The following MAGEE2 variants were observed in gnomAD, a reference collection of about 807,000 sequenced individuals.
MAGEE2 encodes MAGE family member E2, also known as melanoma-associated antigen E2.
For missense variants in MAGEE2, 508 were observed against 391.1 expected, an observed-to-expected ratio of 1.30 and a Z score of -2.52; for synonymous variants, 189 against 155.4, an observed-to-expected ratio of 1.22 and a Z score of -1.61.
rs1302921519 is a variant in MAGEE2, at chrX:75,783,902, G to T, written c.1150C>A (p.Pro384Thr). ...ATCACTTGCTCTTCCTCTGATTCTG[G>T]TTGCTGGACAAGGAGGTAGATGTGC... ...SEHIYLLVQQ[P>T]ESEEEQVMLE... The change falls in exon 1 of 1, where the codon CCA (proline) becomes ACA (threonine). Residue 384 changes from proline (P) to threonine (T), a missense_variant. Coordinates refer to ENST00000373359, the MANE Select transcript of MAGEE2 (RefSeq NM_138703.5). 1.5e-5 allele frequency: 18 copies of T among 1,211,579 alleles called. No homozygotes were observed. The highest frequency in any genetic ancestry group is 1.9e-5 in the Non-Finnish European group (17 of 895,450).
rs773264726 is a variant in MAGEE2 at position 75,785,071 on chromosome X, G to A, written c.-20C>T. On this transcript the variant is annotated 5_prime_UTR_variant, in exon 1 of 1. Transcript: ENST00000373359. ...AGACATGGTTCCAGGAGACAGGAGC[G>A]GGAACGGTGAGATCAGCGATCAGTC... The A allele has an allele frequency of 3.6e-6, 4 of 1,118,295 alleles. No individual in the cohort carries two copies. In the Admixed American group the frequency reaches 9.1e-5, roughly 25 times the overall value. The allele number at this position is 1,118,295 out of a possible 1,213,427, so 92.2% of individuals were successfully genotyped here. A position where few individuals can be genotyped will look rare whatever the true frequency, so the allele number is the denominator to read the frequency against.
rs139359385 is a variant in MAGEE2, at chrX:75,783,942, C to T, written c.1110G>A (p.Glu370=). The T allele has an allele frequency of 2.9e-5, 35 of 1,209,882 alleles. No individual in the cohort carries two copies. In the African/African-American group the frequency reaches 5.8e-4, roughly 20 times the overall value. The change falls in exon 1 of 1, where the codon GAG becomes GAA. Residue 370 remains glutamate (E), a synonymous_variant. Transcript: ENST00000373359. ...GGTAGATGTGCTCACTGGTATCAACCTCAATCAGAGACAACCCATAGAACA... is the reference window on the plus strand; with the variant it reads ...GGTAGATGTGCTCACTGGTATCAACTTCAATCAGAGACAACCCATAGAACA... ...LDMFYGLSLI[E]VDTSEHIYLL... is the part of the protein sequence containing the mutation.
At position 75,784,671 on chromosome X, in the gene MAGEE2, C is replaced by G. The variant is rs1310592310; in HGVS notation, c.381G>C (p.Glu127Asp). Residue 127 changes from glutamate (E) to aspartate (D), a missense_variant, in exon 1 of 1, where the codon GAG (glutamate) becomes GAC (aspartate). By Grantham distance (45) the Glu-to-Asp change is conservative (BLOSUM62 2). Transcript: ENST00000373359. ...FLREYSDQFP[E>D]ILRRASAHLD... ...GGTGAGCTGAGGCTCGTCTGAGGAT[C>G]TCAGGGAACTGATCTGAGTACTCTC... 1.2e-5 allele frequency: 14 copies of G among 1,209,663 alleles called. No homozygotes were observed. Among genetic ancestry groups the G allele is most frequent in the Non-Finnish European group, 1.3e-5 (12 of 895,088 alleles).
In MAGEE2 at chrX:75,785,026, C is replaced by T. The variant is rs1449563243; in HGVS notation, c.26G>A (p.Arg9His). 3.5e-6 allele frequency: 4 copies of T among 1,127,109 alleles called. No individual in the cohort carries two copies. The highest frequency in any genetic ancestry group is 4.7e-6 in the Non-Finnish European group (4 of 854,857). 92.9% of individuals were successfully genotyped at this position (1,127,109 alleles called of 1,213,427 possible). Residue 9 changes from arginine (R) to histidine (H), a missense_variant, in exon 1 of 1, where the codon CGC (arginine) becomes CAC (histidine). Arg to His is a conservative substitution (Grantham distance 29). Transcript: ENST00000373359. ...TGCAGTGATCTCTGCGCTACAGTGG[C>T]GTGCATTCTGGCTTACCAGAGACAT... MSLVSQNA[R>H]HCSAEITADY...
Position 75,783,405 on chromosome X carries a change from G to T in MAGEE2, c.*75C>A. The T allele has an allele frequency of 9.2e-7, 1 of 1,082,888 alleles. No individual in the cohort carries two copies. The allele number at this position is 1,082,888 out of a possible 1,213,427, so 89.2% of individuals were successfully genotyped here. On this transcript the variant is annotated 3_prime_UTR_variant, in exon 1 of 1. Coordinates refer to ENST00000373359, the MANE Select transcript of MAGEE2 (RefSeq NM_138703.5). The stretch of plus-strand genomic sequence containing the variant: ...CAAGCCCTACCTGGATTCTAATTTA[G>T]AGCCCCAATGCCTATTTTACCAAGG...
At position 75,783,867 on chromosome X, in the gene MAGEE2, G is replaced by A. The variant is rs778221554; in HGVS notation, c.1185C>T (p.Ser395=). Residue 395 remains serine, a synonymous_variant, in exon 1 of 1, where the codon AGC becomes AGT. Transcript: ENST00000373359. ...CATATTCTTGAGTGGGTCTCCCCAG[G>A]CTCTCTAGCATCACTTGCTCTTCCT... ...ESEEEQVMLE[S]LGRPTQEYVM... is the part of the protein sequence containing the mutation. 12 of 1,211,778 alleles carry A rather than the reference G, an allele frequency of 9.9e-6. No individual in the cohort carries two copies. In the South Asian group the frequency reaches 1.4e-4, roughly 14 times the overall value.
rs1415059199 is a variant in MAGEE2 at position 75,784,835 on chromosome X, C to T, written c.217G>A (p.Asp73Asn). Reference sequence around the variant, plus strand: ...GCCCCCAAACGTCTGGACTGCTCGTCGATCAGGACCTCCAGGTCATTCGGG... The same window carrying T: ...GCCCCCAAACGTCTGGACTGCTCGTTGATCAGGACCTCCAGGTCATTCGGG... ...QDPNDLEVLI[D>N]EQSRRLGALR... The change falls in exon 1 of 1, where the codon GAC becomes AAC. Residue 73 changes from aspartate to asparagine, a missense_variant. Transcript: ENST00000373359. 2 of 1,210,860 alleles carry T rather than the reference C, an allele frequency of 1.7e-6. No individual in the cohort carries two copies.
Position 75,784,049 on chromosome X carries a change from C to T in MAGEE2, c.1003G>A (p.Asp335Asn). The T allele has an allele frequency of 8.3e-7, 1 of 1,209,231 alleles. No individual in the cohort carries two copies. Among genetic ancestry groups the T allele is most frequent in the African/African-American group, 1.7e-5 (1 of 57,836 alleles). ...VTEEMLPIHQ[D>N]ELLAHTGKEF... ...TTGCCAGTGTGAGCCAATAGCTCAT[C>T]CTGATGTATAGGCAGCATCTCCTCA... The change falls in exon 1 of 1, where the codon GAT becomes AAT. Residue 335 changes from aspartate (D) to asparagine (N), a missense_variant. Physicochemically the swap from Asp to Asn is conservative, Grantham distance 23. Coordinates refer to ENST00000373359, the MANE Select transcript of MAGEE2 (RefSeq NM_138703.5).
Position 75,784,172 on chromosome X carries a change from T to C in MAGEE2, c.880A>G (p.Thr294Ala), listed in dbSNP as rs763106807. 8.3e-7 allele frequency: 1 copy of C among 1,211,589 alleles called. No individual in the cohort carries two copies. Among genetic ancestry groups the C allele is most frequent in the Non-Finnish European group, 1.1e-6 (1 of 895,491 alleles). ...EYNKALEGDK[T>A]KERSLTAGLE... Reference sequence around the variant, plus strand: ...CCAGCAGTCAGGCTTCTTTCTTTGGTTTTGTCACCTTCCAGGGCCTTATTA... The same window carrying C: ...CCAGCAGTCAGGCTTCTTTCTTTGGCTTTGTCACCTTCCAGGGCCTTATTA... Residue 294 changes from threonine (T) to alanine (A), a missense_variant, in exon 1 of 1, where the codon ACC becomes GCC. Coordinates refer to ENST00000373359, the MANE Select transcript of MAGEE2 (RefSeq NM_138703.5).
chrX:75,783,927 C>T lies in MAGEE2; in HGVS notation c.1125G>A (p.Glu375=). The change falls in exon 1 of 1, where the codon GAG becomes GAA. Residue 375 remains glutamate, a synonymous_variant. Coordinates refer to ENST00000373359, the MANE Select transcript of MAGEE2 (RefSeq NM_138703.5). ...GLSLIEVDTS[E]HIYLLVQQPE... ...GTTGCTGGACAAGGAGGTAGATGTG[C>T]TCACTGGTATCAACCTCAATCAGAG... 8.3e-7 allele frequency: 1 copy of T among 1,211,407 alleles called. No individual in the cohort carries two copies. Among genetic ancestry groups the T allele is most frequent in the Non-Finnish European group, 1.1e-6 (1 of 895,264 alleles).
In MAGEE2 at chrX:75,783,652, C is replaced by A. The variant is rs939904793; in HGVS notation, c.1400G>T (p.Trp467Leu). The change falls in exon 1 of 1, where the codon TGG becomes TTG. Residue 467 changes from tryptophan (W) to leucine (L), a missense_variant. Coordinates refer to ENST00000373359, the MANE Select transcript of MAGEE2 (RefSeq NM_138703.5). ...YSNPVEYELL[W>L]GPRAHHETIK... ...GGTTTCATGGTGAGCTCGAGGACCCCATAGAAGCTCATATTCAACTGGATT... is the reference window on the plus strand; with the variant it reads ...GGTTTCATGGTGAGCTCGAGGACCCAATAGAAGCTCATATTCAACTGGATT... The A allele has an allele frequency of 6.6e-6, 8 of 1,211,568 alleles. No individual in the cohort carries two copies. Among genetic ancestry groups the A allele is most frequent in the Non-Finnish European group, 8.9e-6 (8 of 895,479 alleles).
rs773363908 is a variant in MAGEE2, at chrX:75,784,452, C to T, written c.600G>A (p.Trp200Ter). 8.3e-7 allele frequency: 1 copy of T among 1,211,876 alleles called. No homozygotes were observed. The highest frequency in any genetic ancestry group is 1.8e-5 in the South Asian group (1 of 56,957). ...ACATATCAACTTTTAGCAGCAAGTC[C>T]CAAATGGAGGCCTCTCTTGCTCGGT... is the stretch of plus-strand genomic sequence containing the variant. ...NGNRAREASI[W>*]DLLLKVDMWD... Residue 200 changes from tryptophan (W) to a stop codon, truncating the protein, a stop_gained, in exon 1 of 1, where the codon TGG (tryptophan) becomes TGA (stop). Transcript: ENST00000373359. LOFTEE classifies it low-confidence loss of function (END_TRUNC).
In MAGEE2 at chrX:75,785,228, G is replaced by A; in HGVS notation, c.-177C>T. 1 of 466,403 alleles carries A rather than the reference G, an allele frequency of 2.1e-6. No individual in the cohort carries two copies. Among genetic ancestry groups the A allele is most frequent in the Non-Finnish European group, 3.3e-6 (1 of 305,846 alleles). The allele number at this position is 466,403 out of a possible 1,213,427, so 38.4% of individuals were successfully genotyped here. ...ACACAAGTGCTGGCCAGCAACGACT[G>A]CAAGCCTCAGAGCGTTATTTTGCCG... On this transcript the variant is annotated 5_prime_UTR_variant, in exon 1 of 1. Coordinates refer to ENST00000373359, the MANE Select transcript of MAGEE2 (RefSeq NM_138703.5).
Position 75,784,899 on chromosome X carries a change from G to C in MAGEE2, c.153C>G (p.Ile51Met), listed in dbSNP as rs2087878896. 1 of 1,185,768 alleles carries C rather than the reference G, an allele frequency of 8.4e-7. No homozygotes were observed. The highest frequency in any genetic ancestry group is 1.8e-5 in the African/African-American group (1 of 56,405). The change falls in exon 1 of 1, where the codon ATC becomes ATG. Residue 51 changes from isoleucine to methionine, a missense_variant. Coordinates refer to ENST00000373359, the MANE Select transcript of MAGEE2 (RefSeq NM_138703.5). ...VDAPQCPQAP[I>M]NSQCVNTSQA... ...GGGAAGTGTTGACACACTGAGAGTT[G>C]ATTGGCGCCTGAGGGCACTGGGGGG...
rs771853311 is a variant in MAGEE2, at chrX:75,784,111, T to G, written c.941A>C (p.Lys314Thr). ...EFWSEDTMND[K>T]ANDLVQLAIS... ...AGCCAACTGGACCAAATCATTTGCCTTATCATTCATAGTGTCCTCCGACCA... is the reference window on the plus strand; with the variant it reads ...AGCCAACTGGACCAAATCATTTGCCGTATCATTCATAGTGTCCTCCGACCA... Residue 314 changes from lysine (K) to threonine (T), a missense_variant, in exon 1 of 1, where the codon AAG becomes ACG. Lys to Thr is a moderately conservative substitution (Grantham distance 78). Transcript: ENST00000373359. 7.4e-6 allele frequency: 9 copies of G among 1,209,999 alleles called. No individual in the cohort carries two copies. The highest frequency in any genetic ancestry group is 1.7e-5 in the African/African-American group (1 of 57,253).
In MAGEE2 at chrX:75,785,227, T is replaced by A. The variant is rs1354245105; in HGVS notation, c.-176A>T. On this transcript the variant is annotated 5_prime_UTR_variant, in exon 1 of 1. Coordinates refer to ENST00000373359, the MANE Select transcript of MAGEE2 (RefSeq NM_138703.5). ...TACACAAGTGCTGGCCAGCAACGAC[T>A]GCAAGCCTCAGAGCGTTATTTTGCC... The A allele has an allele frequency of 2.3e-5, 11 of 469,966 alleles. No homozygotes were observed. The East Asian group carries it at 4.6e-4, about 20-fold the overall frequency. 38.7% of individuals were successfully genotyped at this position (469,966 alleles called of 1,213,427 possible). A position where few individuals can be genotyped will look rare whatever the true frequency, so the allele number is the denominator to read the frequency against.
rs746145375 is a variant in MAGEE2 at position 75,783,512 on chromosome X, C to T, written c.1540G>A (p.Ala514Thr). 2.5e-6 allele frequency: 3 copies of T among 1,208,253 alleles called. No homozygotes were observed. The highest frequency in any genetic ancestry group is 5.9e-5 in the East Asian group (2 of 33,733). Residue 514 changes from alanine (A) to threonine (T), a missense_variant, in exon 1 of 1, where the codon GCA (alanine) becomes ACA (threonine). Physicochemically the swap from Ala to Thr is moderately conservative, Grantham distance 58. Transcript: ENST00000373359. Reference protein sequence around the residue: ...EDEEARAKSEATIMFFLDPT With the variant: ...EDEEARAKSETTIMFFLDPT ...GGGTCAAGGAAAAACATGATAGTTG[C>T]CTCAGATTTGGCTCTGGCCTCCTCA...
chrX:75,785,145 C>G lies in MAGEE2; in HGVS notation c.-94G>C. 2.1e-6 allele frequency: 2 copies of G among 948,890 alleles called. No individual in the cohort carries two copies. Among genetic ancestry groups the G allele is most frequent in the Non-Finnish European group, 1.4e-6 (1 of 721,561 alleles). 78.2% of individuals were successfully genotyped at this position (948,890 alleles called of 1,213,427 possible). On this transcript the variant is annotated 5_prime_UTR_variant, in exon 1 of 1. Transcript: ENST00000373359. ...GGTGCCTCGGCACAAAGCTGAAGCC[C>G]GAGACCCTGGAGCTGGAAGGATCAA...
chrX:75,784,370 T>G lies in MAGEE2; in HGVS notation c.682A>C (p.Thr228Pro). The G allele has an allele frequency of 8.3e-7, 1 of 1,211,468 alleles. No individual in the cohort carries two copies. The highest frequency in any genetic ancestry group is 3.0e-5 in the East Asian group (1 of 33,796). The change falls in exon 1 of 1, where the codon ACT (threonine) becomes CCT (proline). Residue 228 changes from threonine to proline, a missense_variant. Physicochemically the swap from Thr to Pro is conservative, Grantham distance 38. Transcript: ENST00000373359. ...LFGNTRNLLT[T>P]DFVCMRFLEY... ...AAGAATCGCATGCACACAAAGTCAG[T>G]AGTGAGGAGGTTCCTTGTGTTCCCA...
Sources: gnomAD v4.1 joint callset for allele counts on GRCh38, gnomAD v4.1.1 for gene constraint, MANE v1.5 for transcripts, NCBI Gene and HGNC (gene_info 2026-07-23, HGNC 2026-07-21) for gene names.